Variants in ERC2 observed in about 807,000 individuals in gnomAD.
ERC2 encodes ERC protein 2.
A neutral mutation model predicts 114.8 loss-of-function variants in ERC2; 42 were observed. That is an observed-to-expected ratio of 0.37 (90% CI 0.29 to 0.47). ERC2 has a LOEUF of 0.47. Among genes scored for constraint, ERC2 ranks in the 20% least tolerant of loss-of-function variants. The pLI, the probability that ERC2 is intolerant of heterozygous loss-of-function variation, is 0.99. For synonymous variants in ERC2, 454 were observed against 425.5 expected (o/e 1.07, Z -0.82); for missense variants, 939 against 1,150.7 (o/e 0.82, Z 2.66).
intron 14 of ERC2, among the ~76,000 whole-genome samples, chr3:55,868,251 G>A (rs1438412682): frequency 1.3e-5 from 2 of 152,202 alleles, no homozygotes; most frequent in African/African-American, 4.8e-5. Flanking sequence ...GCACAGTCAA[G>A]TCCTGCATCT....
At chr3:55,767,083 A>G (rs2067850458) in intron 14 of ERC2, among the ~76,000 whole-genome samples, 1 of 152,232 alleles carries the variant, frequency 6.6e-6, no homozygotes, top group Non-Finnish European at 1.5e-5. Context: ...AAAATGGTGA[A>G]CAAAACTAGG....
chr3:56,047,025 G>A (rs1368174255), intron 7 of ERC2, among the ~76,000 whole-genome samples: 1 of 152,172 alleles, frequency 6.6e-6, no homozygotes, highest in African/African-American at 2.4e-5. Flanking sequence ...GCCTGACGCT[G>A]AAGAAAACAT....
rs149134698 is a variant in ERC2 at position 55,594,630 on chromosome 3, G to A, written c.*40-83354C>T. ...CCAAGTAGCTGGGACTACAGGCATT[G>A]TGCCACCACACATGGTTAATTTTTT... On this transcript the variant is annotated intron_variant, in intron 17 of 17. Transcript: ENST00000288221. Among the ~76,000 whole-genome samples, 10 of 152,114 alleles carry A rather than the reference G, an allele frequency of 6.6e-5. No homozygotes were observed. The East Asian group carries it at 1.9e-3, about 29-fold the overall frequency.
At chr3:55,566,409 A>G in intron 17 of ERC2, among the ~76,000 whole-genome samples, 1 of 121,420 alleles carries the variant, frequency 8.2e-6, no homozygotes, top group South Asian at 3.5e-4. Flanking sequence ...TGGTAATTCT[A>G]TTTATTTATT....
chr3:55,602,920 G>A (rs1228915180), intron 17 of ERC2, among the ~76,000 whole-genome samples: 1 of 152,142 alleles, frequency 6.6e-6, no homozygotes, highest in Non-Finnish European at 1.5e-5. Context: ...GCTAAATCCT[G>A]CCCAGCCTCT....
intron 7 of ERC2, among the ~76,000 whole-genome samples, chr3:56,032,501 T>C (rs578258208): frequency 1.3e-5 from 2 of 152,042 alleles, no homozygotes; most frequent in Non-Finnish European, 2.9e-5. Flanking sequence ...GACAGAAAAC[T>C]ACCTAAATCT....
At chr3:56,288,985 G>T (rs961472125) in intron 3 of ERC2, among the ~76,000 whole-genome samples, 4 of 152,140 alleles carry the variant, frequency 2.6e-5, no homozygotes, top group Non-Finnish European at 2.9e-5. Context: ...CAAATTATCA[G>T]ATGTGTGTGA....
chr3:55,878,074 C>T (rs947825303), intron 14 of ERC2, among the ~76,000 whole-genome samples: 2 of 152,114 alleles, frequency 1.3e-5, no homozygotes, highest in Non-Finnish European at 2.9e-5. Flanking sequence ...CTTCCCTAGC[C>T]CCCATGCGGC....
intron 3 of ERC2, among the ~76,000 whole-genome samples, chr3:56,202,683 T>C (rs2048476251): frequency 6.6e-6 from 1 of 152,120 alleles, no homozygotes; most frequent in South Asian, 2.1e-4. Flanking sequence ...TAGAGGAAAT[T>C]AGGCTAAGTG....
intron 15 of ERC2, among the ~76,000 whole-genome samples, chr3:55,703,913 T>A (rs1410745668): frequency 1.3e-5 from 2 of 152,228 alleles, no homozygotes; most frequent in Non-Finnish European, 2.9e-5. Context: ...AAATATGCCA[T>A]TCCTTAGCTA....
intron 2 of ERC2, among the ~76,000 whole-genome samples, chr3:56,423,099 T>C (rs2061445238): frequency 6.6e-6 from 1 of 152,246 alleles, no homozygotes; most frequent in South Asian, 2.1e-4. Flanking sequence ...AGATTCATGA[T>C]TACCAATCCA....
Position 55,509,648 on chromosome 3 carries a change from C to T in ERC2, c.*1668G>A, listed in dbSNP as rs746839157. 8 of 152,586 alleles carry T rather than the reference C, an allele frequency of 5.2e-5. No homozygotes were observed. The highest frequency in any genetic ancestry group is 8.8e-5 in the Non-Finnish European group (6 of 68,044). 9.5% of individuals were successfully genotyped at this position (152,586 alleles called of 1,614,324 possible). A position where few individuals can be genotyped will look rare whatever the true frequency, so the allele number is the denominator to read the frequency against. On this transcript the variant is annotated 3_prime_UTR_variant, in exon 18 of 18. Transcript: ENST00000288221. Reference sequence around the variant, plus strand: ...GCGAATGCACCAAGAAAGAATGGTGCAACTCAGGGACGGTTTCATCTTCCC... The same window carrying T: ...GCGAATGCACCAAGAAAGAATGGTGTAACTCAGGGACGGTTTCATCTTCCC...
intron 17 of ERC2, among the ~76,000 whole-genome samples, chr3:55,628,932 G>A (rs894064704): frequency 6.6e-6 from 1 of 152,174 alleles, no homozygotes; most frequent in African/African-American, 2.4e-5. Context: ...TAGCCATGCC[G>A]AAATCTGGAC....
intron 14 of ERC2, among the ~76,000 whole-genome samples, chr3:55,804,196 A>G (rs955257714): frequency 6.6e-6 from 1 of 152,158 alleles, no homozygotes; most frequent in Admixed American, 6.5e-5. Context: ...TCCCTCTCAC[A>G]TCCTCTTGGT....
chr3:55,631,893 T>C (rs1019433367), intron 17 of ERC2, among the ~76,000 whole-genome samples: 1 of 152,248 alleles, frequency 6.6e-6, no homozygotes, highest in African/African-American at 2.4e-5. Flanking sequence ...CCACTTCTAT[T>C]ATCTCATTCA....
chr3:56,111,246 A>G (rs2078942681), intron 6 of ERC2, among the ~76,000 whole-genome samples: 1 of 152,094 alleles, frequency 6.6e-6, no homozygotes, highest in Admixed American at 6.6e-5. Flanking sequence ...AAACAAGACA[A>G]GCAATCAGCT....
intron 3 of ERC2, among the ~76,000 whole-genome samples, chr3:56,276,768 T>G (rs961564368): frequency 2.6e-5 from 4 of 152,154 alleles, no homozygotes; most frequent in African/African-American, 9.7e-5. Context: ...TGGGCCACAT[T>G]GGAAGAAGAA....
At chr3:55,622,688 G>C (rs1227619954) in intron 17 of ERC2, among the ~76,000 whole-genome samples, 1 of 151,944 alleles carries the variant, frequency 6.6e-6, no homozygotes, top group Non-Finnish European at 1.5e-5. Context: ...TTTTGCTGCT[G>C]TTAAAAATTT....
At chr3:56,435,188 T>C (rs2061962314) in intron 1 of ERC2, 41 bp from the exon 2 acceptor site, 2 of 581,234 alleles carry the variant, frequency 3.4e-6, no homozygotes, top group Non-Finnish European at 6.1e-6. Flanking sequence ...CAAATTTCTT[T>C]AGAACTCTAA....
Sources: allele counts gnomAD v4.1 joint callset (sites outside exome capture counted in the v4.1 genomes callset), GRCh38; gene constraint gnomAD v4.1.1; transcripts MANE v1.5; gene names NCBI Gene and HGNC (gene_info 2026-07-23, HGNC 2026-07-21).